PPM1D: variants seen among roughly 807,000 people sequenced by gnomAD.
The protein encoded by PPM1D is protein phosphatase, Mg2+/Mn2+ dependent 1D.
PPM1D carries 52 observed loss-of-function variants against 58.3 expected under a neutral mutation model. That is an observed-to-expected ratio of 0.89 (90% CI 0.71 to 1.12). PPM1D has a LOEUF of 1.12. Ranked by LOEUF, PPM1D falls within the 50% of genes most tolerant of loss-of-function variation. The pLI, the probability that PPM1D is intolerant of heterozygous loss-of-function variation, is 0.00. For missense variants in PPM1D, 564 were observed against 777.2 expected (o/e 0.73, Z 3.26); for synonymous variants, 278 against 285.1 (o/e 0.98, Z 0.25).
rs2031569702 is a variant in PPM1D, at chr17:60,663,536, C to T, written c.1802C>T (p.Thr601Ile). 1 of 1,607,778 alleles carries T rather than the reference C, an allele frequency of 6.2e-7. No individual in the cohort carries two copies. Among genetic ancestry groups the T allele is most frequent in the Non-Finnish European group, 8.5e-7 (1 of 1,178,936 alleles). ...CCTTTACTTCATCAACACAGGAAAACTGTTTGTGTTTGCTGAAATGCATCT... is the reference window on the plus strand; with the variant it reads ...CCTTTACTTCATCAACACAGGAAAATTGTTTGTGTTTGCTGAAATGCATCT... ...GNPLLHQHRK[T>I]VCVC Residue 601 changes from threonine (T) to isoleucine (I), a missense_variant, in exon 6 of 6, where the codon ACT becomes ATT. Thr to Ile is a moderately conservative substitution (Grantham distance 89, BLOSUM62 -1). Coordinates refer to ENST00000305921, the MANE Select transcript of PPM1D (RefSeq NM_003620.4).
At chr17:60,648,415 T>G (rs530777130) in intron 4 of PPM1D, among the ~76,000 whole-genome samples, 1 of 151,094 alleles carries the variant, frequency 6.6e-6, no homozygotes, top group African/African-American at 2.4e-5. Flanking sequence ...GACGGAGTCT[T>G]GCTCTGTCAC....
At chr17:60,657,026 A>G in intron 5 of PPM1D, 185 bp downstream of exon 5, 1 of 1,510,232 alleles carries the variant, frequency 6.6e-7, no homozygotes, top group Non-Finnish European at 8.8e-7. Context: ...AGCCATGTGT[A>G]CAGCACTAAT....
rs538774228 is a variant in PPM1D at position 60,655,969 on chromosome 17, G to A, written c.1018-630G>A. On this transcript the variant is annotated intron_variant, in intron 4 of 5. Coordinates refer to ENST00000305921, the MANE Select transcript of PPM1D (RefSeq NM_003620.4). ...ACCCGCCTCCTCCTCCCAAAGTGCTGGGATTACAGGCATGAGCCATTGCGT... is the reference window on the plus strand; with the variant it reads ...ACCCGCCTCCTCCTCCCAAAGTGCTAGGATTACAGGCATGAGCCATTGCGT... Among the ~76,000 whole-genome samples, 337 of 151,730 alleles carry A rather than the reference G, an allele frequency of 2.2e-3. 3 individuals are homozygous for A. Among genetic ancestry groups the A allele is most frequent in the African/African-American group, 7.7e-3 (320 of 41,422 alleles).
At chr17:60,601,020 T>A in intron 1 of PPM1D, 134 bp downstream of exon 1, 1 of 1,318,222 alleles carries the variant, frequency 7.6e-7, no homozygotes, top group Non-Finnish European at 1.0e-6. Context: ...CTAAAAGCTG[T>A]AATAGCGCTT....
At chr17:60,650,182 G>A (rs2031317452) in intron 4 of PPM1D, among the ~76,000 whole-genome samples, 1 of 152,226 alleles carries the variant, frequency 6.6e-6, no homozygotes, top group South Asian at 2.1e-4. Context: ...AAGCTTCATG[G>A]AAGAGAGTGA....
chr17:60,620,085 ACCCC>A (rs1274219868), intron 1 of PPM1D, among the ~76,000 whole-genome samples: 1 of 150,714 alleles, frequency 6.6e-6, no homozygotes, highest in Non-Finnish European at 1.5e-5. Flanking sequence ...TGTAAACTCC[ACCCC>A]CTGGGTTCAA....
chr17:60,645,674 A>G (rs547011662), intron 3 of PPM1D, among the ~76,000 whole-genome samples: 7 of 144,784 alleles, frequency 4.8e-5, no homozygotes, highest in Non-Finnish European at 9.0e-5. Context: ...ACACACACAT[A>G]TACATATACA....
chr17:60,607,987 G>A (rs901426364), intron 1 of PPM1D, among the ~76,000 whole-genome samples: 1 of 152,220 alleles, frequency 6.6e-6, no homozygotes, highest in African/African-American at 2.4e-5. Context: ...AAAGTGGGGA[G>A]AGAGAATTGA....
chr17:60,610,076 C>A (rs539280648), intron 1 of PPM1D, among the ~76,000 whole-genome samples: 1 of 149,872 alleles, frequency 6.7e-6, no homozygotes, highest in African/African-American at 2.5e-5. Flanking sequence ...GCTACTCAGG[C>A]GGCTGAGGCA....
intron 1 of PPM1D, among the ~76,000 whole-genome samples, chr17:60,611,221 A>G (rs1159466105): frequency 2.0e-5 from 3 of 152,102 alleles, no homozygotes; most frequent in African/African-American, 7.2e-5. Context: ...GGGTTTCACC[A>G]TGTTGGCTAG....
chr17:60,630,124 G>A (rs1344977494), intron 2 of PPM1D, among the ~76,000 whole-genome samples: 2 of 151,984 alleles, frequency 1.3e-5, no homozygotes, highest in Admixed American at 1.3e-4. Flanking sequence ...GATCACTTGA[G>A]GTTAGAAGTT....
At chr17:60,634,443 C>G (rs1179208612) in intron 3 of PPM1D, among the ~76,000 whole-genome samples, 2 of 152,256 alleles carry the variant, frequency 1.3e-5, no homozygotes, top group Non-Finnish European at 2.9e-5. Flanking sequence ...ATATAATTCA[C>G]TGACAGTTGC....
intron 5 of PPM1D, among the ~76,000 whole-genome samples, chr17:60,661,677 A>G (rs1317406316): frequency 6.6e-6 from 1 of 152,174 alleles, no homozygotes; most frequent in African/African-American, 2.4e-5. Flanking sequence ...AACCATTCTC[A>G]GAATGGTCCC....
chr17:60,610,782 A>G (rs1447769542), intron 1 of PPM1D, among the ~76,000 whole-genome samples: 1 of 152,204 alleles, frequency 6.6e-6, no homozygotes, highest in Non-Finnish European at 1.5e-5. Context: ...ACCCTGCTCT[A>G]GTGTACTAGG....
chr17:60,603,731 T>G (rs978432284), intron 1 of PPM1D, among the ~76,000 whole-genome samples: 1 of 150,338 alleles, frequency 6.7e-6, no homozygotes, highest in African/African-American at 2.5e-5. Flanking sequence ...GCCACTGCAC[T>G]CCAGCCTGGG....
rs368284898 is a variant in PPM1D, at chr17:60,655,303, CTTGT to C, written c.1018-1291_1018-1288del. Among the ~76,000 whole-genome samples the C allele has an allele frequency of 3.8e-3, 583 of 152,174 alleles. 1 individual carries two copies. The highest frequency in any genetic ancestry group is 0.013 in the African/African-American group (549 of 41,528). On this transcript the variant is annotated intron_variant, in intron 4 of 5. Transcript: ENST00000305921. Reference sequence around the variant, plus strand: ...TTTTTTTTGTACCATGCCTGATTGTCTTGTTTGTGAATTATGTTTTCTTAAATAA... The same window carrying C: ...TTTTTTTTGTACCATGCCTGATTGTCTTGTGAATTATGTTTTCTTAAATAA...
At chr17:60,660,210 C>T (rs1302366863) in intron 5 of PPM1D, among the ~76,000 whole-genome samples, 1 of 151,972 alleles carries the variant, frequency 6.6e-6, no homozygotes, top group Non-Finnish European at 1.5e-5. Context: ...GTGGTGGGTG[C>T]CTGTGATCCC....
intron 3 of PPM1D, among the ~76,000 whole-genome samples, chr17:60,635,847 G>A (rs924616625): frequency 7.9e-5 from 12 of 152,202 alleles, no homozygotes; most frequent in Non-Finnish European, 1.0e-4. Flanking sequence ...CTATTGCTGT[G>A]TAATCAAATA....
At chr17:60,613,536 G>A (rs1037086245) in intron 1 of PPM1D, among the ~76,000 whole-genome samples, 2 of 152,230 alleles carry the variant, frequency 1.3e-5, no homozygotes, top group African/African-American at 2.4e-5. Context: ...CCTTCAGCCC[G>A]CCACTGCACT....
Sources: allele counts gnomAD v4.1 joint callset (sites outside exome capture counted in the v4.1 genomes callset), GRCh38; gene constraint gnomAD v4.1.1; transcripts MANE v1.5; gene names NCBI Gene and HGNC (gene_info 2026-07-23, HGNC 2026-07-21).